The following HSF2BP variants were observed in gnomAD, a reference collection of about 807,000 sequenced individuals.
HSF2BP encodes heat shock factor 2-binding protein.
HSF2BP carries 35 observed loss-of-function variants against 35.0 expected under a neutral mutation model. The ratio of observed to expected loss-of-function variants is 1.00; its 90% CI spans 0.76 to 1.32. The LOEUF (loss-of-function observed/expected upper bound fraction) is 1.32, where lower values mean the gene tolerates loss of function less well. Among genes scored for constraint, HSF2BP ranks in the 40% most tolerant of loss-of-function variants. HSF2BP has a pLI of 0.00. For synonymous variants in HSF2BP, 114 were observed against 117.4 expected (o/e 0.97, Z 0.18); for missense variants, 326 against 321.7 (o/e 1.01, Z -0.10).
chr21:43,605,810 A>T (rs2082128559), intron 7 of HSF2BP, among the ~76,000 whole-genome samples: 1 of 151,440 alleles, frequency 6.6e-6, no homozygotes, highest in Admixed American at 6.6e-5. Flanking sequence ...TGCCCCACAC[A>T]AACGCATACA....
At chr21:43,617,510 C>T (rs2082285092) in intron 6 of HSF2BP, among the ~76,000 whole-genome samples, 1 of 149,698 alleles carries the variant, frequency 6.7e-6, no homozygotes, top group Admixed American at 6.7e-5. Context: ...GCCTGTGAGT[C>T]AATTCAAGGC....
intron 3 of HSF2BP, among the ~76,000 whole-genome samples, chr21:43,646,684 T>C (rs1393455073): frequency 1.3e-5 from 2 of 152,230 alleles, no homozygotes; most frequent in Admixed American, 1.3e-4. Flanking sequence ...GCAACCCTAG[T>C]GTAAGTTAAC....
the HSF2BP span, among the ~76,000 whole-genome samples, chr21:43,506,961 C>G: frequency 7.3e-5 from 8 of 109,580 alleles, 2 homozygotes; most frequent in South Asian, 3.3e-4. Flanking sequence ...CACCACCCCC[C>G]ACTCCTTCTG....
chr21:43,618,247 T>C (rs2082293026), intron 6 of HSF2BP, among the ~76,000 whole-genome samples: 1 of 151,806 alleles, frequency 6.6e-6, no homozygotes, highest in South Asian at 2.1e-4. Flanking sequence ...GCAATTAAAG[T>C]GAGACCCCAT....
At chr21:43,500,792 ATG>A in the HSF2BP span, among the ~76,000 whole-genome samples, 2 of 26,084 alleles carry the variant, frequency 7.7e-5, no homozygotes, top group Non-Finnish European at 1.4e-4. Flanking sequence ...ACACACGTGT[ATG>A]TGTGTGCATC....
chr21:43,613,790 T>C (rs146281231), intron 7 of HSF2BP, 40 bp downstream of exon 7: 2 of 1,309,108 alleles, frequency 1.5e-6, no homozygotes, highest in Non-Finnish European at 2.2e-6. Flanking sequence ...GTCTAATTAA[T>C]ATGTAAATAG....
intron 5 of HSF2BP, 58 bp downstream of exon 5, chr21:43,633,214 C>T: frequency 6.4e-7 from 1 of 1,552,686 alleles, no homozygotes; most frequent in East Asian, 2.3e-5. Flanking sequence ...AAGCTATATG[C>T]TCTAATTTAC....
At chr21:43,657,314 C>T (rs1014234142) in intron 2 of HSF2BP, among the ~76,000 whole-genome samples, 2 of 152,188 alleles carry the variant, frequency 1.3e-5, no homozygotes, top group African/African-American at 4.8e-5. Context: ...GAGCTATGAT[C>T]GTGCCACTGC....
rs953687752 is a variant in HSF2BP, at chr21:43,585,024, C to T, written c.796+7201G>A. 8.5e-5 allele frequency among the ~76,000 whole-genome samples: 12 copies of T among 141,228 alleles called. No individual in the cohort carries two copies. The East Asian group carries it at 1.5e-3, about 18-fold the overall frequency. The allele number at this position is 141,228 out of a possible 152,430, so 92.7% of individuals were successfully genotyped here. On this transcript the variant is annotated intron_variant, in intron 8 of 8. Transcript: ENST00000291560. ...TTTATTTATTTATTTATTTATTTTG[C>T]GGCCAGGAACAGTGGCCCACACCTG...
intron 6 of HSF2BP, among the ~76,000 whole-genome samples, chr21:43,629,712 T>C (rs2082430895): frequency 6.6e-6 from 1 of 152,200 alleles, no homozygotes; most frequent in African/African-American, 2.4e-5. Context: ...TTGCTTCTTA[T>C]GGAAGAACAA....
intron 4 of HSF2BP, among the ~76,000 whole-genome samples, chr21:43,636,833 A>G (rs1469126652): frequency 1.3e-5 from 2 of 149,420 alleles, no homozygotes; most frequent in African/African-American, 2.5e-5. Flanking sequence ...TGGAGGCTGC[A>G]GTAAGCGGAG....
In HSF2BP at chr21:43,643,561, G is replaced by A. The variant is rs8126727; in HGVS notation, c.291+728C>T. Among the ~76,000 whole-genome samples, 346 of 152,260 alleles carry A rather than the reference G, an allele frequency of 2.3e-3. 1 individual carries two copies. The highest frequency in any genetic ancestry group is 6.8e-3 in the Middle Eastern group (2 of 294). On this transcript the variant is annotated intron_variant, in intron 4 of 8. Coordinates refer to ENST00000291560, the MANE Select transcript of HSF2BP (RefSeq NM_007031.2). ...TCGTCACACAGCCAGCTCCCCTTCT[G>A]TCATGATTTGAAGCAGCCTGAGGCC...
chr21:43,653,199 G>GGGGAA (rs894936852), intron 3 of HSF2BP, among the ~76,000 whole-genome samples: 5 of 16,734 alleles, frequency 3.0e-4, no homozygotes, highest in Non-Finnish European at 3.9e-4. Context: ...AGGAAGGGAA[G>GGGGAA]GGGAAGGGAA....
At chr21:43,593,587 T>C (rs1239756848) in intron 7 of HSF2BP, among the ~76,000 whole-genome samples, 1 of 152,124 alleles carries the variant, frequency 6.6e-6, no homozygotes, top group African/African-American at 2.4e-5. Context: ...AAGATAATTT[T>C]AAAAGAAATT....
chr21:43,613,595 T>C (rs894881398), intron 7 of HSF2BP, among the ~76,000 whole-genome samples: 5 of 152,168 alleles, frequency 3.3e-5, no homozygotes, highest in African/African-American at 1.2e-4. Context: ...TGAAGTACCA[T>C]GTGATAATAC....
At chr21:43,584,244 G>GA (rs2081816446) in intron 8 of HSF2BP, among the ~76,000 whole-genome samples, 1 of 152,134 alleles carries the variant, frequency 6.6e-6, no homozygotes, top group Non-Finnish European at 1.5e-5. Flanking sequence ...TGAGGGAGAT[G>GA]AGGGAGTCCC....
At chr21:43,634,102 A>T (rs1375611613) in intron 4 of HSF2BP, among the ~76,000 whole-genome samples, 1 of 152,220 alleles carries the variant, frequency 6.6e-6, no homozygotes. Flanking sequence ...AGTCCTATTC[A>T]TGCCCTGGTG....
intron 3 of HSF2BP, among the ~76,000 whole-genome samples, chr21:43,648,542 A>C (rs920282729): frequency 6.6e-6 from 1 of 151,834 alleles, no homozygotes; most frequent in Non-Finnish European, 1.5e-5. Context: ...ATCACACTTT[A>C]ATCTCTTCAC....
intron 7 of HSF2BP, among the ~76,000 whole-genome samples, chr21:43,604,908 ACAC>A (rs952451541): frequency 1.7e-5 from 2 of 114,312 alleles, no homozygotes; most frequent in African/African-American, 7.0e-5. Context: ...CATCACACAC[ACAC>A]CACAAAGACA....
Sources: allele counts gnomAD v4.1 joint callset (sites outside exome capture counted in the v4.1 genomes callset), GRCh38; gene constraint gnomAD v4.1.1; transcripts MANE v1.5; gene names NCBI Gene and HGNC (gene_info 2026-07-23, HGNC 2026-07-21).